ACSM3: variants seen among roughly 807,000 people sequenced by gnomAD.
The protein encoded by ACSM3 is acyl-coenzyme A synthetase ACSM3, mitochondrial.
Under a neutral mutation model 74.1 loss-of-function variants are expected in ACSM3, and 61 were observed. The observed-to-expected ratio is 0.82, with a 90% CI of 0.67 to 1.02. ACSM3 has a LOEUF of 1.02. Among genes scored for constraint, ACSM3 ranks in the 50% least tolerant of loss-of-function variants. The pLI is 0.00. For missense variants in ACSM3, 660 were observed against 697.0 expected, an observed-to-expected ratio of 0.95 and a Z score of 0.60; for synonymous variants, 213 against 241.5, an observed-to-expected ratio of 0.88 and a Z score of 1.09.
rs754132909 is a variant in ACSM3 at position 20,682,241 on chromosome 16, A to C, written c.-190+7419A>C. 2.2e-5 allele frequency: 35 copies of C among 1,610,876 alleles called. 1 individual carries two copies. The East Asian group carries it at 7.6e-4, about 35-fold the overall frequency. On this transcript the variant is annotated intron_variant, in intron 1 of 3. Coordinates refer to the ACSM3 transcript ENST00000561584. The stretch of plus-strand genomic sequence containing the variant: ...ACTGTACTCAGAGATTATATTCATC[A>C]GACCAGAGACTCACTTAACCAGCGA...
Position 20,717,903 on chromosome 16 carries a change from GGAA to G in ACSM3, c.-189-32006_-189-32004del, listed in dbSNP as rs748957955. Among the ~76,000 whole-genome samples, 49 of 126,244 alleles carry G rather than the reference GGAA, an allele frequency of 3.9e-4. 1 individual carries two copies. Among genetic ancestry groups the G allele is most frequent in the East Asian group, 1.6e-3 (5 of 3,054 alleles). 82.8% of individuals were successfully genotyped at this position (126,244 alleles called of 152,430 possible). On this transcript the variant is annotated intron_variant, in intron 1 of 3. Transcript: ENST00000561584. Reference sequence around the variant, plus strand: ...AGGAGAAGGGGAAGAAGGAGAAGGAGGAAAAAAAGAAGAAGAAGGAGGAGAAGG... The same window carrying G: ...AGGAGAAGGGGAAGAAGGAGAAGGAGAAAAAGAAGAAGAAGGAGGAGAAGG...
At chr16:20,678,953 T>C (rs2079376576) in intron 1 of ACSM3, among the ~76,000 whole-genome samples, 1 of 152,134 alleles carries the variant, frequency 6.6e-6, no homozygotes, top group African/African-American at 2.4e-5. Context: ...AGAAGTAACT[T>C]TAAGAAGGCA....
At chr16:20,708,229 A>G (rs917176985) in intron 1 of ACSM3, among the ~76,000 whole-genome samples, 50 of 152,126 alleles carry the variant, frequency 3.3e-4, no homozygotes, top group African/African-American at 1.2e-3. Context: ...TGAACCCAGG[A>G]GGTGGAGGTT....
chr16:20,691,137 G>A (rs1463857929), intron 1 of ACSM3: 3 of 1,612,776 alleles, frequency 1.9e-6, no homozygotes, highest in African/African-American at 1.3e-5. Context: ...TGGATGTTGT[G>A]GAAGGATTTG....
chr16:20,741,677 C>G (rs747116854), intron 1 of ACSM3: 1 of 1,584,260 alleles, frequency 6.3e-7, no homozygotes, highest in East Asian at 2.3e-5. Context: ...CCAGCACATA[C>G]TGAGCCTTGC....
At chr16:20,678,453 C>G (rs2079359962) in intron 1 of ACSM3, among the ~76,000 whole-genome samples, 1 of 152,184 alleles carries the variant, frequency 6.6e-6, no homozygotes. Context: ...GTTCAGGAAA[C>G]AGAAGCCATG....
chr16:20,790,454 C>T lies in ACSM3; in HGVS notation c.1225-133C>T. The T allele has an allele frequency of 1.3e-6, 1 of 794,726 alleles. No individual in the cohort carries two copies. The highest frequency in any genetic ancestry group is 1.8e-5 in the South Asian group (1 of 55,916). 49.2% of individuals were successfully genotyped at this position (794,726 alleles called of 1,614,324 possible). ...CCTGGGTGACAAAGTGAGACCTTGTCTCACACACACAAAATTTTTTTTAAG... is the reference window on the plus strand; with the variant it reads ...CCTGGGTGACAAAGTGAGACCTTGTTTCACACACACAAAATTTTTTTTAAG... On this transcript the variant is annotated intron_variant, in intron 9 of 13. Transcript: ENST00000289416. This position sits in a 1 kb window ranked among gnomAD's most constrained non-coding sequence, Gnocchi z 4.0.
At chr16:20,690,252 G>T (rs1429055038) in intron 1 of ACSM3, among the ~76,000 whole-genome samples, 1 of 152,080 alleles carries the variant, frequency 6.6e-6, no homozygotes, top group Non-Finnish European at 1.5e-5. Context: ...GACAGTGCTG[G>T]GTGACTTTTT....
chr16:20,754,008 G>C (rs1291254920), intron 2 of ACSM3, among the ~76,000 whole-genome samples: 1 of 152,198 alleles, frequency 6.6e-6, no homozygotes, highest in Non-Finnish European at 1.5e-5. Flanking sequence ...AGAGGGAATG[G>C]TGTCAAGTCC....
In ACSM3 at chr16:20,741,825, G is replaced by A. The variant is rs560960431; in HGVS notation, c.-189-8085G>A. 1.1e-4 allele frequency: 176 copies of A among 1,540,138 alleles called. No individual in the cohort carries two copies. In the African/African-American group the frequency reaches 2.1e-3, roughly 19 times the overall value. ...ATCGCCGGCGCGAACTGGTGACGTC[G>A]GATATGAGCGACGGCCTCCCCTAGC... On this transcript the variant is annotated intron_variant, in intron 1 of 3. Transcript: ENST00000561584.
intron 1 of ACSM3, chr16:20,736,554 C>T: frequency 4.2e-6 from 1 of 237,172 alleles, no homozygotes; most frequent in Non-Finnish European, 8.2e-6. Context: ...GAAAACTTCC[C>T]TCTGATTTTC....
chr16:20,731,625 G>A, intron 1 of ACSM3: 1 of 339,178 alleles, frequency 2.9e-6, no homozygotes, highest in East Asian at 6.4e-5. Context: ...TGCAGGTGGT[G>A]AAAGCTTTTG....
chr16:20,789,711 A>C (rs996708511), intron 9 of ACSM3, among the ~76,000 whole-genome samples: 1 of 121,820 alleles, frequency 8.2e-6, no homozygotes, highest in Non-Finnish European at 1.7e-5. Context: ...TTTGAGATGG[A>C]GTTTCACTCA....
At chr16:20,698,433 T>C (rs1278509680) in intron 1 of ACSM3, among the ~76,000 whole-genome samples, 1 of 152,046 alleles carries the variant, frequency 6.6e-6, no homozygotes, top group Non-Finnish European at 1.5e-5. Flanking sequence ...AGGTCTGAGT[T>C]TGAGCCTTAG....
intron 1 of ACSM3, among the ~76,000 whole-genome samples, chr16:20,705,366 C>T (rs908037222): frequency 7.3e-6 from 1 of 137,284 alleles, no homozygotes; most frequent in African/African-American, 2.7e-5. Flanking sequence ...GAGCGAGACT[C>T]CGTCTCAGAA....
chr16:20,789,624 T>C, intron 9 of ACSM3: 1 of 1,083,750 alleles, frequency 9.2e-7, no homozygotes, highest in Non-Finnish European at 1.4e-6. Flanking sequence ...AATCAAGACC[T>C]ATTGCTAAAT....
In ACSM3 at chr16:20,782,396, TC is replaced by T. The variant is rs2080371636; in HGVS notation, c.1019+612del. Among the ~76,000 whole-genome samples the T allele has an allele frequency of 2.6e-5, 4 of 152,220 alleles. No homozygotes were observed. The South Asian group carries it at 6.2e-4, about 24-fold the overall frequency. ...TATAGTCTTTTATCCCTCACCCACC[TC>T]CCACCCTTTCCCCAGAGTCCCCAAA... On this transcript the variant is annotated intron_variant, in intron 7 of 13. Coordinates refer to ENST00000289416, the MANE Select transcript of ACSM3 (RefSeq NM_005622.4).
intron 1 of ACSM3, among the ~76,000 whole-genome samples, chr16:20,710,017 C>T (rs1414753591): frequency 6.6e-6 from 1 of 152,222 alleles, no homozygotes; most frequent in Non-Finnish European, 1.5e-5. Flanking sequence ...ATACACTCCA[C>T]TTTATTCCCA....
At chr16:20,683,683 G>T in intron 1 of ACSM3, among the ~76,000 whole-genome samples, 1 of 141,660 alleles carries the variant, frequency 7.1e-6, no homozygotes, top group African/African-American at 2.7e-5. Context: ...CACCACGCCT[G>T]GCTAATTCTT....
Sources: allele counts gnomAD v4.1 joint callset (sites outside exome capture counted in the v4.1 genomes callset), GRCh38; gene constraint gnomAD v4.1.1; non-coding constraint Gnocchi (gnomAD v3.1); transcripts MANE v1.5; gene names NCBI Gene and HGNC (gene_info 2026-07-23, HGNC 2026-07-21).